DIAPH2: variants seen among roughly 807,000 people sequenced by gnomAD.
DIAPH2 encodes the protein diaphanous related formin 2.
DIAPH2 carries 35 observed loss-of-function variants against 92.7 expected under a neutral mutation model. The observed-to-expected ratio is 0.38, with a 90% CI of 0.29 to 0.50. DIAPH2 has a LOEUF of 0.50. Among genes scored for constraint, DIAPH2 ranks in the 20% least tolerant of loss-of-function variants. DIAPH2 has a pLI of 0.94. For synonymous variants in DIAPH2, 301 were observed against 280.4 expected (o/e 1.07, Z -0.73); for missense variants, 701 against 819.5 (o/e 0.86, Z 1.77).
At chrX:96,748,222 A>AT (rs2064162144) in intron 3 of DIAPH2, among the ~76,000 whole-genome samples, 1 of 112,237 alleles carries the variant, frequency 8.9e-6, no homozygotes, top group African/African-American at 3.2e-5. Flanking sequence ...ATTTATTTGC[A>AT]TGAGTGTATT....
intron 4 of DIAPH2, among the ~76,000 whole-genome samples, chrX:96,853,088 C>T (rs2065015666): frequency 9.0e-6 from 1 of 111,516 alleles, no homozygotes; most frequent in South Asian, 3.8e-4. Context: ...TTGACTCAGG[C>T]ATTCTGGCCA....
At chrX:97,494,567 C>T (rs1182720715) in intron 26 of DIAPH2, among the ~76,000 whole-genome samples, 4 of 111,889 alleles carry the variant, frequency 3.6e-5, no homozygotes, top group Non-Finnish European at 7.5e-5. Context: ...TATACTTTTG[C>T]ACTGGTGTCT....
At chrX:97,385,567 T>A (rs1396689189) in intron 25 of DIAPH2, among the ~76,000 whole-genome samples, 1 of 111,443 alleles carries the variant, frequency 9.0e-6, no homozygotes, top group African/African-American at 3.3e-5. Context: ...ACACCATCTC[T>A]ATGAGGTAGG....
chrX:97,259,346 G>T lies in DIAPH2; in HGVS notation c.2844+11507G>T, dbSNP rs187076639. Among the ~76,000 whole-genome samples the T allele has an allele frequency of 7.1e-3, 787 of 111,551 alleles. 9 individuals are homozygous for T. The highest frequency in any genetic ancestry group is 0.025 in the African/African-American group (758 of 30,767). On this transcript the variant is annotated intron_variant, in intron 23 of 26. Transcript: ENST00000324765. The stretch of plus-strand genomic sequence containing the variant: ...CGTCTCAAAAAAAAAGATCAAAAAT[G>T]TTCTGAGAAAACATCAAGTAGACCT...
intron 5 of DIAPH2, among the ~76,000 whole-genome samples, chrX:96,885,832 T>G (rs1055677709): frequency 3.6e-5 from 4 of 111,795 alleles, no homozygotes; most frequent in Admixed American, 2.9e-4. Context: ...TGCCAGAGTT[T>G]CTGTAAGTTT....
chrX:97,540,801 A>G (rs1231057888), intron 26 of DIAPH2, among the ~76,000 whole-genome samples: 2 of 112,261 alleles, frequency 1.8e-5, no homozygotes, highest in African/African-American at 3.2e-5. Flanking sequence ...GAAGCAAAAC[A>G]GTAATGTGGC....
At chrX:96,919,302 A>C (rs2065525736) in intron 9 of DIAPH2, among the ~76,000 whole-genome samples, 1 of 112,232 alleles carries the variant, frequency 8.9e-6, no homozygotes, top group Non-Finnish European at 1.9e-5. Context: ...CTAGATATGA[A>C]GGTATTGCTA....
chrX:97,404,636 C>T (rs867494293), intron 25 of DIAPH2, among the ~76,000 whole-genome samples: 1 of 111,857 alleles, frequency 8.9e-6, no homozygotes. Flanking sequence ...TTTTATTTAC[C>T]ATATGCTTGT....
At chrX:97,032,381 A>G (rs1013541649) in intron 17 of DIAPH2, among the ~76,000 whole-genome samples, 1 of 111,432 alleles carries the variant, frequency 9.0e-6, no homozygotes, top group East Asian at 2.8e-4. Context: ...AGAACTTGAT[A>G]AGGGCTATTA....
intron 10 of DIAPH2, among the ~76,000 whole-genome samples, chrX:96,935,291 A>C (rs896604455): frequency 5.4e-5 from 6 of 111,474 alleles, no homozygotes; most frequent in African/African-American, 2.0e-4. Context: ...AGAATTTATG[A>C]ATATTTCAAG....
chrX:96,684,881 G>A lies in DIAPH2; in HGVS notation c.-178G>A. On this transcript the variant is annotated 5_prime_UTR_variant, in exon 1 of 27. Transcript: ENST00000324765. ...TAGTGGCAACGGCGTGGTTGCGTCG[G>A]GGGTGCCTGGGAGCCTGGAGTCCCG... 4.1e-6 allele frequency: 2 copies of A among 487,397 alleles called. No homozygotes were observed. Among genetic ancestry groups the A allele is most frequent in the Non-Finnish European group, 5.8e-6 (2 of 344,911 alleles). The allele number at this position is 487,397 out of a possible 1,213,427, so 40.2% of individuals were successfully genotyped here.
At chrX:97,424,141 T>G (rs765045084) in intron 25 of DIAPH2, among the ~76,000 whole-genome samples, 2 of 112,287 alleles carry the variant, frequency 1.8e-5, no homozygotes, top group East Asian at 5.6e-4. Context: ...AAACCTTGAT[T>G]CAGTAAGGTT....
intron 1 of DIAPH2, among the ~76,000 whole-genome samples, chrX:96,688,861 G>T (rs2147512239): frequency 9.0e-6 from 1 of 111,036 alleles, no homozygotes; most frequent in Non-Finnish European, 1.9e-5. Flanking sequence ...TAAGGCAGGA[G>T]GATTTCTTGA....
chrX:96,884,680 T>C (rs750200948), intron 5 of DIAPH2: 2 of 1,210,474 alleles, frequency 1.7e-6, no homozygotes, highest in Admixed American at 4.4e-5. Context: ...AGTCGGAGTA[T>C]ATGTCAAAGT....
At chrX:97,356,474 T>C (rs1159945719) in intron 24 of DIAPH2, among the ~76,000 whole-genome samples, 1 of 111,872 alleles carries the variant, frequency 8.9e-6, no homozygotes, top group Non-Finnish European at 1.9e-5. Flanking sequence ...TGCAACTCTT[T>C]GAAAATAGGC....
chrX:97,331,447 G>A (rs188066339), intron 23 of DIAPH2, among the ~76,000 whole-genome samples: 133 of 111,752 alleles, frequency 1.2e-3, no homozygotes, highest in African/African-American at 3.9e-3. Context: ...ATACCTACAC[G>A]TACACAGAAA....
chrX:97,389,198 G>A (rs2069630594), intron 25 of DIAPH2, among the ~76,000 whole-genome samples: 1 of 110,595 alleles, frequency 9.0e-6, no homozygotes, highest in Admixed American at 9.6e-5. Context: ...GCCGAGTGCA[G>A]AGGCTCACAC....
chrX:96,811,403 TAAG>T (rs1468932105), intron 4 of DIAPH2, among the ~76,000 whole-genome samples: 2 of 112,135 alleles, frequency 1.8e-5, no homozygotes, highest in African/African-American at 6.5e-5. Context: ...CTTATCAGCT[TAAG>T]GAGATTTTAG....
intron 17 of DIAPH2, among the ~76,000 whole-genome samples, chrX:96,974,098 G>A (rs1301898222): frequency 9.0e-6 from 1 of 111,387 alleles, no homozygotes; most frequent in African/African-American, 3.3e-5. Flanking sequence ...TTGTTAAGTT[G>A]GAATGTAAAG....
Sources: gnomAD v4.1 joint callset for allele counts (sites outside exome capture counted in the v4.1 genomes callset) on GRCh38, gnomAD v4.1.1 for gene constraint, MANE v1.5 for transcripts, NCBI Gene and HGNC (gene_info 2026-07-23, HGNC 2026-07-21) for gene names.